The following NTN1 variants were observed in gnomAD, a reference collection of about 807,000 sequenced individuals.
NTN1 encodes netrin 1.
NTN1 carries 11 observed loss-of-function variants against 54.2 expected under a neutral mutation model. The ratio of observed to expected loss-of-function variants is 0.20; its 90% CI spans 0.13 to 0.34. The LOEUF (loss-of-function observed/expected upper bound fraction) is 0.34, where lower values mean the gene tolerates loss of function less well. NTN1 is among the 10% of genes least tolerant of loss of function. The probability of loss-of-function intolerance (pLI) is 1.00; values close to 1 mark genes in which losing one functional copy is unlikely to be tolerated. For synonymous variants in NTN1, 371 were observed against 382.0 expected, an observed-to-expected ratio of 0.97 and a Z score of 0.33; for missense variants, 740 against 893.1, an observed-to-expected ratio of 0.83 and a Z score of 2.18.
chr17:9,044,150 T>G (rs1236737200), intron 2 of NTN1, among the ~76,000 whole-genome samples: 2 of 152,194 alleles, frequency 1.3e-5, no homozygotes, highest in African/African-American at 4.8e-5. Flanking sequence ...CTGGAGTTAT[T>G]TATGAATTGG....
At chr17:9,154,574 TG>T (rs1297396797) in intron 2 of NTN1, among the ~76,000 whole-genome samples, 2 of 151,726 alleles carry the variant, frequency 1.3e-5, no homozygotes, top group Non-Finnish European at 2.9e-5. Flanking sequence ...TCCCCAGGTG[TG>T]GGCGGGAGTT....
At chr17:9,117,014 G>T (rs61365209) in intron 2 of NTN1, among the ~76,000 whole-genome samples, 5,030 of 152,276 alleles carry the variant, frequency 0.033, 276 homozygotes, top group African/African-American at 0.12. Context: ...CTGAATGAGG[G>T]GGGTGGGAGA....
At chr17:9,102,548 A>T (rs186309805) in intron 2 of NTN1, among the ~76,000 whole-genome samples, 2 of 152,352 alleles carry the variant, frequency 1.3e-5, no homozygotes, top group Non-Finnish European at 1.5e-5. Context: ...GTGTAGACAC[A>T]GCCAAACCAT....
At chr17:9,138,505 C>A (rs900354394) in intron 2 of NTN1, among the ~76,000 whole-genome samples, 3 of 152,184 alleles carry the variant, frequency 2.0e-5, no homozygotes, top group South Asian at 2.1e-4. Context: ...CCTGTCCCCC[C>A]ACTCTCCGCA....
At chr17:9,047,821 A>G (rs1314317717) in intron 2 of NTN1, among the ~76,000 whole-genome samples, 3 of 151,944 alleles carry the variant, frequency 2.0e-5, no homozygotes, top group Admixed American at 6.6e-5. Flanking sequence ...GGGCCTCCCA[A>G]GTAGCTGGGA....
intron 2 of NTN1, among the ~76,000 whole-genome samples, chr17:9,122,619 T>C (rs1300270130): frequency 1.3e-5 from 2 of 152,230 alleles, no homozygotes; most frequent in African/African-American, 4.8e-5. Flanking sequence ...TATGTTCTTA[T>C]TGTATTTTTC....
intron 6 of NTN1, among the ~76,000 whole-genome samples, chr17:9,229,395 C>T (rs1039966528): frequency 8.6e-6 from 1 of 116,462 alleles, no homozygotes. Flanking sequence ...TCTCCACACA[C>T]ACCTTGTGAG....
chr17:9,059,916 C>G (rs1429646128), intron 2 of NTN1, among the ~76,000 whole-genome samples: 2 of 151,356 alleles, frequency 1.3e-5, no homozygotes, highest in East Asian at 3.9e-4. Flanking sequence ...GCTAAGTGAG[C>G]ATGTTTCGGA....
At chr17:9,114,166 A>AATATATATATATAT (rs34188198) in intron 2 of NTN1, among the ~76,000 whole-genome samples, 11 of 74,618 alleles carry the variant, frequency 1.5e-4, no homozygotes, top group African/African-American at 4.1e-4. Context: ...AAAAAAAAAA[A>AATATATATATATAT]ATATATATAT....
intron 2 of NTN1, among the ~76,000 whole-genome samples, chr17:9,093,799 C>T (rs998382842): frequency 6.6e-6 from 1 of 152,102 alleles, no homozygotes; most frequent in Non-Finnish European, 1.5e-5. Context: ...CATGGTGAAA[C>T]CCTGTCTCTT....
intron 6 of NTN1, among the ~76,000 whole-genome samples, chr17:9,227,135 TCACA>T (rs2142364133): frequency 6.6e-6 from 1 of 152,148 alleles, no homozygotes; most frequent in East Asian, 1.9e-4. Context: ...CTCCCACGTC[TCACA>T]CAACCGCTGT....
At chr17:9,042,663 T>C (rs1399765890) in intron 2 of NTN1, among the ~76,000 whole-genome samples, 1 of 152,008 alleles carries the variant, frequency 6.6e-6, no homozygotes, top group Non-Finnish European at 1.5e-5. Context: ...GGCGTGCTCC[T>C]GCAGTCCCAG....
intron 1 of NTN1, among the ~76,000 whole-genome samples, chr17:9,021,920 C>G (rs2091849847): frequency 6.6e-6 from 1 of 152,288 alleles, no homozygotes; most frequent in Middle Eastern, 3.5e-3. Context: ...CGGGGGGCAT[C>G]TGAGAGGGAC....
chr17:9,083,103 T>TTTC (rs532713846), intron 2 of NTN1, among the ~76,000 whole-genome samples: 1 of 152,012 alleles, frequency 6.6e-6, no homozygotes, highest in South Asian at 2.1e-4. Flanking sequence ...GGGTTTTTTT[T>TTTC]TTCTTCTTCT....
intron 2 of NTN1, among the ~76,000 whole-genome samples, chr17:9,119,422 A>G (rs1481780881): frequency 1.3e-5 from 2 of 152,104 alleles, no homozygotes; most frequent in Non-Finnish European, 2.9e-5. Context: ...TCCTGACCTC[A>G]GGTGATCCAC....
chr17:9,041,618 A>G (rs2091921816), intron 2 of NTN1, among the ~76,000 whole-genome samples: 1 of 152,048 alleles, frequency 6.6e-6, no homozygotes. Context: ...TTTGGCTCTT[A>G]TGAATAATGC....
intron 2 of NTN1, among the ~76,000 whole-genome samples, chr17:9,066,350 C>T (rs6503176): frequency 0.16 from 24,766 of 152,082 alleles, 2,233 homozygotes; most frequent in African/African-American, 0.21. Flanking sequence ...ATAGCAGAGC[C>T]GGGCGTGGTG....
intron 2 of NTN1, among the ~76,000 whole-genome samples, chr17:9,092,319 C>CTT (rs148786553): frequency 0.022 from 2,005 of 91,616 alleles, 28 homozygotes; most frequent in Middle Eastern, 0.048. Context: ...CTTTTCTTCT[C>CTT]TTTTTTTTTT....
chr17:9,116,138 AG>A (rs2092211376), intron 2 of NTN1, among the ~76,000 whole-genome samples: 1 of 152,194 alleles, frequency 6.6e-6, no homozygotes. Flanking sequence ...CTGTTCCTGG[AG>A]GAGCGGCTGT....
Sources: gnomAD v4.1 joint callset for allele counts (sites outside exome capture counted in the v4.1 genomes callset) on GRCh38, gnomAD v4.1.1 for gene constraint, MANE v1.5 for transcripts, NCBI Gene and HGNC (gene_info 2026-07-23, HGNC 2026-07-21) for gene names.